The following HEATR3 variants were observed in gnomAD, a reference collection of about 807,000 sequenced individuals.
The protein encoded by HEATR3 is HEAT repeat containing 3, also known as HEAT repeat-containing protein 3.
Under a neutral mutation model 72.8 loss-of-function variants are expected in HEATR3, and 56 were observed. The observed-to-expected ratio is 0.77, with a 90% CI of 0.62 to 0.96. HEATR3 has a LOEUF of 0.96. Among genes scored for constraint, HEATR3 ranks in the 40% least tolerant of loss-of-function variants. HEATR3 has a pLI of 0.00. For synonymous variants in HEATR3, 331 were observed against 318.1 expected (o/e 1.04, Z -0.43); for missense variants, 747 against 831.4 (o/e 0.90, Z 1.25).
At chr16:50,091,558 G>A (rs1442491606) in intron 11 of HEATR3, among the ~76,000 whole-genome samples, 1 of 152,030 alleles carries the variant, frequency 6.6e-6, no homozygotes, top group African/African-American at 2.4e-5. Context: ...CCTACATTTA[G>A]ACATGCTACA....
At chr16:50,068,679 T>A (rs2036549355) in intron 2 of HEATR3, 101 bp from the exon 3 acceptor site, 3 of 890,232 alleles carry the variant, frequency 3.4e-6, no homozygotes, top group Non-Finnish European at 5.4e-6. Flanking sequence ...CTATTTCCTC[T>A]GGGAAACCTT....
chr16:50,094,017 A>G (rs766797221), intron 11 of HEATR3, among the ~76,000 whole-genome samples: 21 of 152,178 alleles, frequency 1.4e-4, no homozygotes, highest in African/African-American at 2.7e-4. Context: ...TGCCATGGCC[A>G]TTTTTAGAAA....
chr16:50,098,173 C>T (rs913898570), intron 12 of HEATR3: 1 of 152,002 alleles, frequency 6.6e-6, no homozygotes, highest in Non-Finnish European at 1.5e-5. Flanking sequence ...GTATTTCTAT[C>T]TTTTTGTATC....
chr16:50,071,942 TA>T, intron 4 of HEATR3, among the ~76,000 whole-genome samples: 1 of 152,292 alleles, frequency 6.6e-6, no homozygotes, highest in Non-Finnish European at 1.5e-5. Flanking sequence ...TAGTATAATT[TA>T]AAAAATACTT....
intron 13 of HEATR3, among the ~76,000 whole-genome samples, chr16:50,101,223 C>T (rs896864271): frequency 2.0e-5 from 3 of 150,804 alleles, no homozygotes; most frequent in Non-Finnish European, 2.9e-5. Context: ...TCAAGCAATT[C>T]TTCTGCCTCA....
chr16:50,094,727 TCTAGAAGC>T lies in HEATR3; in HGVS notation c.1535_1542del (p.Leu512HisfsTer3). On this transcript the variant is annotated frameshift_variant, in exon 12 of 15. Coordinates refer to ENST00000299192, the MANE Select transcript of HEATR3 (RefSeq NM_182922.4). LOFTEE classifies it high-confidence loss of function. ...TAGATTTTGCTAAACATGTTGACTT[TCTAGAAGC>T]CATAAGTAGTGCTTTGAGGGCCCTT... 1.3e-6 allele frequency: 2 copies of T among 1,578,910 alleles called. No individual in the cohort carries two copies. The highest frequency in any genetic ancestry group is 1.7e-6 in the Non-Finnish European group (2 of 1,165,256).
chr16:50,086,457 A>C (rs762169705), intron 11 of HEATR3, 106 bp downstream of exon 11: 1 of 1,234,326 alleles, frequency 8.1e-7, no homozygotes, highest in Non-Finnish European at 1.1e-6. Context: ...ATGTGCAGAA[A>C]CCTTTCCCAG....
In HEATR3 at chr16:50,106,482, G is replaced by A. The variant is rs1567454356; in HGVS notation, c.*1421G>A. The A allele has an allele frequency of 1.3e-5, 2 of 152,282 alleles. No individual in the cohort carries two copies. Among genetic ancestry groups the A allele is most frequent in the Admixed American group, 1.3e-4 (2 of 15,282 alleles). 9.4% of individuals were successfully genotyped at this position (152,282 alleles called of 1,614,324 possible). On this transcript the variant is annotated 3_prime_UTR_variant, in exon 15 of 15. Transcript: ENST00000299192. ...TATTCGTGGATATTTGTTTGCTAAT[G>A]CATATTGCTTGGAATATATGTGAGA... is the stretch of plus-strand genomic sequence containing the variant.
At chr16:50,079,877 C>T (rs1001466379) in intron 7 of HEATR3, among the ~76,000 whole-genome samples, 14 of 152,126 alleles carry the variant, frequency 9.2e-5, no homozygotes, top group African/African-American at 2.4e-4. Context: ...AGAACAGTGC[C>T]GTGGCCATGC....
chr16:50,087,381 C>G (rs1486533687), intron 11 of HEATR3, among the ~76,000 whole-genome samples: 1 of 152,026 alleles, frequency 6.6e-6, no homozygotes, highest in African/African-American at 2.4e-5. Flanking sequence ...TTTAAATGAC[C>G]TAGCTGTAGG....
chr16:50,082,860 G>A (rs999459687), intron 7 of HEATR3, among the ~76,000 whole-genome samples: 4 of 148,112 alleles, frequency 2.7e-5, no homozygotes, highest in Non-Finnish European at 4.4e-5. Flanking sequence ...GTACAATCTC[G>A]GCTCACTGCA....
intron 5 of HEATR3, chr16:50,073,949 C>T (rs1220272147): frequency 6.6e-6 from 1 of 152,114 alleles, no homozygotes; most frequent in Non-Finnish European, 1.5e-5. Flanking sequence ...TATAAGATTC[C>T]ATCCCATGTA....
intron 4 of HEATR3, among the ~76,000 whole-genome samples, chr16:50,070,722 T>TA (rs2036593282): frequency 6.6e-6 from 1 of 151,530 alleles, no homozygotes; most frequent in Admixed American, 6.6e-5. Context: ...AAAGACTTGG[T>TA]AAGAGGCAGG....
In HEATR3 at chr16:50,106,401, C is replaced by A. The variant is rs1005903122; in HGVS notation, c.*1340C>A. On this transcript the variant is annotated 3_prime_UTR_variant, in exon 15 of 15. Transcript: ENST00000299192. ...TTTTAATGGAAAGTTTTGTGTCTTA[C>A]AAAATCTTTTTTAAGATACCAAATA... 2.8e-4 allele frequency: 42 copies of A among 152,040 alleles called. No homozygotes were observed. The highest frequency in any genetic ancestry group is 1.0e-3 in the African/African-American group (42 of 41,476). 9.4% of individuals were successfully genotyped at this position (152,040 alleles called of 1,614,324 possible).
At chr16:50,083,000 T>C (rs911140258) in intron 7 of HEATR3, among the ~76,000 whole-genome samples, 6 of 152,088 alleles carry the variant, frequency 3.9e-5, no homozygotes, top group African/African-American at 1.4e-4. Context: ...CCAGGCATGG[T>C]GGCATGCACC....
intron 6 of HEATR3, among the ~76,000 whole-genome samples, chr16:50,077,946 G>A (rs1002439983): frequency 1.5e-5 from 2 of 129,750 alleles, no homozygotes; most frequent in African/African-American, 2.9e-5. Flanking sequence ...GCAAGATCTC[G>A]GCTCACTGCA....
chr16:50,092,632 G>A (rs536653486), intron 11 of HEATR3, among the ~76,000 whole-genome samples: 3 of 151,286 alleles, frequency 2.0e-5, no homozygotes, highest in East Asian at 3.9e-4. Context: ...TAGTAGAGAC[G>A]GGGTTTCACC....
intron 7 of HEATR3, 149 bp downstream of exon 7, chr16:50,079,167 CTT>C: frequency 2.7e-6 from 2 of 735,796 alleles, no homozygotes; most frequent in East Asian, 5.4e-5. Flanking sequence ...TGTTGATTCT[CTT>C]TATGTCATTA....
At position 50,066,374 on chromosome 16, in the gene HEATR3, A is replaced by C. The variant is rs764597719; in HGVS notation, c.146A>C (p.His49Pro). Residue 49 changes from histidine to proline, a missense_variant, in exon 2 of 15, where the codon CAC (histidine) becomes CCC (proline). Physicochemically the swap from His to Pro is moderately conservative, Grantham distance 77. Coordinates refer to ENST00000299192, the MANE Select transcript of HEATR3 (RefSeq NM_182922.4). ...PAAELLEKLQ[H>P]PSAEVRECAC... ...TTTCGCTCTCATCCGCAGCTCCAGC[A>C]CCCGAGCGCCGAGGTCCGCGAGTGC... The C allele has an allele frequency of 6.5e-7, 1 of 1,548,442 alleles. No homozygotes were observed. Among genetic ancestry groups the C allele is most frequent in the Non-Finnish European group, 8.6e-7 (1 of 1,158,580 alleles).
Sources: gnomAD v4.1 joint callset for allele counts (sites outside exome capture counted in the v4.1 genomes callset) on GRCh38, gnomAD v4.1.1 for gene constraint, MANE v1.5 for transcripts, NCBI Gene and HGNC (gene_info 2026-07-23, HGNC 2026-07-21) for gene names.